Variants in LMO7 observed in about 807,000 individuals in gnomAD.
The protein encoded by LMO7 is LIM domain only protein 7.
LMO7 carries 120 observed loss-of-function variants against 206.5 expected under a neutral mutation model. That is an observed-to-expected ratio of 0.58 (90% confidence interval 0.50 to 0.68). The LOEUF is 0.68. Ranked by LOEUF, LMO7 falls within the 30% of genes least tolerant of loss-of-function variation. The pLI is 0.00. For missense variants in LMO7, 1,959 were observed against 1,957.9 expected (o/e 1.00, Z -0.01); for synonymous variants, 706 against 681.5 (o/e 1.04, Z -0.56).
At chr13:75,737,686 G>T (rs1478678187) in intron 3 of LMO7, among the ~76,000 whole-genome samples, 10 of 132,008 alleles carry the variant, frequency 7.6e-5, no homozygotes, top group Admixed American at 4.9e-4. Context: ...CTGGGAGGCG[G>T]AGCTTGCAGT....
intron 4 of LMO7, among the ~76,000 whole-genome samples, chr13:75,781,121 C>CTT (rs34454462): frequency 3.4e-5 from 2 of 59,518 alleles, no homozygotes; most frequent in South Asian, 6.3e-4. Context: ...TTTTTTTTTG[C>CTT]TTTTTTTTTT....
At chr13:75,674,330 A>G (rs1323822416) in intron 1 of LMO7, among the ~76,000 whole-genome samples, 1 of 152,226 alleles carries the variant, frequency 6.6e-6, no homozygotes, top group East Asian at 1.9e-4. Flanking sequence ...CCTTAAAAAT[A>G]TCTTCCAGTT....
chr13:75,776,608 A>T (rs1054020273), intron 4 of LMO7, among the ~76,000 whole-genome samples: 2 of 152,190 alleles, frequency 1.3e-5, no homozygotes, highest in Non-Finnish European at 2.9e-5. Context: ...AAAAATTGAC[A>T]TAGGTTAGGA....
chr13:75,699,837 C>T (rs1368884487), intron 1 of LMO7, among the ~76,000 whole-genome samples: 1 of 152,144 alleles, frequency 6.6e-6, no homozygotes, highest in Non-Finnish European at 1.5e-5. Context: ...TAGAATTCGC[C>T]AGGCTGGAAT....
intron 1 of LMO7, among the ~76,000 whole-genome samples, chr13:75,678,865 TC>T (rs774705081): frequency 6.6e-6 from 1 of 152,232 alleles, no homozygotes; most frequent in Non-Finnish European, 1.5e-5. Flanking sequence ...TTCTTGTCTT[TC>T]CAGCTAGGTG....
Position 75,796,681 on chromosome 13 carries a change from C to T in LMO7, c.394C>T (p.Pro132Ser), listed in dbSNP as rs1490537237. The change falls in exon 6 of 31, where the codon CCG (proline) becomes TCG (serine). Residue 132 changes from proline to serine, a missense_variant. Pro to Ser is a moderately conservative substitution (Grantham distance 74, BLOSUM62 -1). Transcript: ENST00000377534. ...YWLGRKAQSN[P>S]YYNGPHLNLK... The stretch of plus-strand genomic sequence containing the variant: ...GCTGGGAAGAAAAGCACAAAGCAAC[C>T]CGTACTATAATGGTCCCCATCTTAA... 2.5e-6 allele frequency: 4 copies of T among 1,613,566 alleles called. No individual in the cohort carries two copies. Among genetic ancestry groups the T allele is most frequent in the Middle Eastern group, 1.7e-4 (1 of 6,060 alleles).
At chr13:75,779,663 A>G (rs947939433) in intron 4 of LMO7, among the ~76,000 whole-genome samples, 2 of 152,210 alleles carry the variant, frequency 1.3e-5, no homozygotes, top group Admixed American at 6.5e-5. Flanking sequence ...ATGTGCATGC[A>G]TTTGTGTATA....
At chr13:75,761,884 A>G (rs1439340291) in intron 4 of LMO7, among the ~76,000 whole-genome samples, 1 of 152,204 alleles carries the variant, frequency 6.6e-6, no homozygotes, top group East Asian at 1.9e-4. Context: ...TATCTATAGA[A>G]ATAATGAAAA....
At chr13:75,723,596 CTG>C (rs1340395046) in intron 2 of LMO7, among the ~76,000 whole-genome samples, 7 of 152,278 alleles carry the variant, frequency 4.6e-5, no homozygotes, top group African/African-American at 1.7e-4. Context: ...GCTTTTATAA[CTG>C]AGCCAGACAT....
chr13:75,731,942 G>A (rs952379541), intron 3 of LMO7, among the ~76,000 whole-genome samples: 1 of 152,222 alleles, frequency 6.6e-6, no homozygotes, highest in African/African-American at 2.4e-5. Context: ...TAAGAGTGTT[G>A]AATATTGGCC....
chr13:75,677,016 A>T (rs992045854), intron 1 of LMO7, among the ~76,000 whole-genome samples: 11 of 152,100 alleles, frequency 7.2e-5, no homozygotes, highest in Admixed American at 2.0e-4. Flanking sequence ...TTTCTTTTTT[A>T]AAAAAAGGCT....
In LMO7 at chr13:75,726,731, C is replaced by T. The variant is rs955120459; in HGVS notation, c.141-298C>T. Among the ~76,000 whole-genome samples, 21 of 152,018 alleles carry T rather than the reference C, an allele frequency of 1.4e-4. No homozygotes were observed. In the East Asian group the frequency reaches 1.7e-3, roughly 13 times the overall value. Reference sequence around the variant, plus strand: ...TCTTAAACTGGCAGTTGAAGCAGAACGAAATATTACTTTTCTTTAATGTGA... The same window carrying T: ...TCTTAAACTGGCAGTTGAAGCAGAATGAAATATTACTTTTCTTTAATGTGA... On this transcript the variant is annotated intron_variant, in intron 2 of 30. Coordinates refer to ENST00000377534, the MANE Select transcript of LMO7 (RefSeq NM_001306080.2).
Position 75,849,211 on chromosome 13 carries a change from T to C in LMO7, c.4283T>C (p.Leu1428Pro). Residue 1428 changes from leucine to proline, a missense_variant, in exon 27 of 31, where the codon CTT (leucine) becomes CCT (proline). Coordinates refer to ENST00000377534, the MANE Select transcript of LMO7 (RefSeq NM_001306080.2). ...CAGGAAATGAGGAAGAGAACACCCCTTCACAATGACAACAGCTGGATCCGA... is the reference window on the plus strand; with the variant it reads ...CAGGAAATGAGGAAGAGAACACCCCCTCACAATGACAACAGCTGGATCCGA... Reference protein sequence around the residue: ...ILQEMRKRTPLHNDNSWIRQR... With the variant: ...ILQEMRKRTPPHNDNSWIRQR... 1.9e-6 allele frequency: 3 copies of C among 1,614,156 alleles called. No homozygotes were observed. The highest frequency in any genetic ancestry group is 2.5e-6 in the Non-Finnish European group (3 of 1,179,996).
chr13:75,729,896 T>C (rs1372831902), intron 3 of LMO7, among the ~76,000 whole-genome samples: 2 of 151,694 alleles, frequency 1.3e-5, no homozygotes, highest in African/African-American at 4.9e-5. Context: ...CATGTGGTTT[T>C]TGTCTTTGGT....
chr13:75,798,992 G>A lies in LMO7; in HGVS notation c.463-1692G>A, dbSNP rs1409176711. 8.1e-4 allele frequency among the ~76,000 whole-genome samples: 124 copies of A among 152,230 alleles called. 3 individuals are homozygous for A. Among genetic ancestry groups the A allele is most frequent in the Non-Finnish European group, 2.9e-5 (2 of 68,036 alleles). Reference sequence around the variant, plus strand: ...CGCTTAAATTTAAAAAAATCTTTCTGTATTTTGAGAAGCATTTTGGCAGCA... The same window carrying A: ...CGCTTAAATTTAAAAAAATCTTTCTATATTTTGAGAAGCATTTTGGCAGCA... On this transcript the variant is annotated intron_variant, in intron 6 of 30. Transcript: ENST00000377534.
intron 2 of LMO7, among the ~76,000 whole-genome samples, chr13:75,625,619 G>C (rs2033950598): frequency 6.6e-6 from 1 of 152,182 alleles, no homozygotes; most frequent in Admixed American, 6.5e-5. Context: ...TGGAATTTCA[G>C]TTACGTGAGT....
chr13:75,676,504 G>A (rs1007473742), intron 1 of LMO7, among the ~76,000 whole-genome samples: 2 of 152,120 alleles, frequency 1.3e-5, no homozygotes, highest in African/African-American at 4.8e-5. Context: ...ATGTAACACC[G>A]GGGTGGAGAG....
intron 4 of LMO7, among the ~76,000 whole-genome samples, chr13:75,765,093 C>G (rs1489992487): frequency 6.6e-6 from 1 of 152,130 alleles, no homozygotes. Flanking sequence ...AAGGATGTAA[C>G]TGTTCGCTAA....
chr13:75,673,366 G>A (rs2039749271), intron 1 of LMO7, among the ~76,000 whole-genome samples: 1 of 152,198 alleles, frequency 6.6e-6, no homozygotes, highest in Non-Finnish European at 1.5e-5. Context: ...GGGTGGCCAT[G>A]TGTCCCAGAG....
Sources: allele counts gnomAD v4.1 joint callset (sites outside exome capture counted in the v4.1 genomes callset), GRCh38; gene constraint gnomAD v4.1.1; transcripts MANE v1.5; gene names NCBI Gene and HGNC (gene_info 2026-07-23, HGNC 2026-07-21).